Variants in ANGPT1 observed in about 807,000 individuals in gnomAD.
ANGPT1 encodes angiopoietin 1.
In ANGPT1, 17 loss-of-function variants were observed where a neutral mutation model predicts 62.2. The ratio of observed to expected loss-of-function variants is 0.27; its 90% CI spans 0.19 to 0.41. The LOEUF (loss-of-function observed/expected upper bound fraction) is 0.41. Among genes scored for constraint, ANGPT1 ranks in the 10% least tolerant of loss-of-function variants. ANGPT1 has a pLI of 1.00. For synonymous variants in ANGPT1, 199 were observed against 198.9 expected, an observed-to-expected ratio of 1.00 and a Z score of 0.00; for missense variants, 478 against 594.9, an observed-to-expected ratio of 0.80 and a Z score of 2.04.
At chr8:107,452,061 A>G (rs1470284820) in intron 1 of ANGPT1, among the ~76,000 whole-genome samples, 2 of 151,698 alleles carry the variant, frequency 1.3e-5, no homozygotes, top group Non-Finnish European at 3.0e-5. Context: ...TGTGTGTCTT[A>G]GCCACAAGTT....
intron 1 of ANGPT1, chr8:107,494,985 T>C (rs755164958): frequency 3.3e-5 from 5 of 152,144 alleles, no homozygotes; most frequent in Non-Finnish European, 7.4e-5. Flanking sequence ...GGAATCAAAA[T>C]AGAAGTAATA....
intron 1 of ANGPT1, among the ~76,000 whole-genome samples, chr8:107,382,906 T>C (rs545879994): frequency 1.4e-4 from 22 of 152,334 alleles, no homozygotes; most frequent in African/African-American, 4.1e-4. Context: ...TGAACAACGA[T>C]AAATGAAAAA....
chr8:107,262,379 T>A (rs558256355), intron 8 of ANGPT1, among the ~76,000 whole-genome samples: 479 of 152,356 alleles, frequency 3.1e-3, no homozygotes, highest in Non-Finnish European at 6.0e-3. Flanking sequence ...ACTTCACTAA[T>A]TCAGGTACTA....
intron 3 of ANGPT1, among the ~76,000 whole-genome samples, chr8:107,324,369 A>G (rs919566602): frequency 2.6e-5 from 4 of 151,938 alleles, no homozygotes; most frequent in African/African-American, 9.7e-5. Context: ...TGTCCTTATA[A>G]AAAGGGAAAA....
At chr8:107,448,733 T>C (rs185487589) in intron 1 of ANGPT1, among the ~76,000 whole-genome samples, 10 of 152,280 alleles carry the variant, frequency 6.6e-5, no homozygotes, top group East Asian at 3.9e-4. Flanking sequence ...ACCACTCTCA[T>C]TGAAATAATG....
intron 1 of ANGPT1, among the ~76,000 whole-genome samples, chr8:107,464,767 A>T (rs2130484244): frequency 6.6e-6 from 1 of 152,232 alleles, no homozygotes; most frequent in Middle Eastern, 3.4e-3. Context: ...CATACATGGA[A>T]CTTGGAGTAC....
At chr8:107,407,262 G>T (rs1279956927) in intron 1 of ANGPT1, among the ~76,000 whole-genome samples, 1 of 75,362 alleles carries the variant, frequency 1.3e-5, no homozygotes, top group African/African-American at 5.7e-5. Flanking sequence ...ACTCAATGTA[G>T]ACCATGTTTT....
At chr8:107,337,329 T>G (rs961354633) in intron 2 of ANGPT1, among the ~76,000 whole-genome samples, 4 of 152,172 alleles carry the variant, frequency 2.6e-5, no homozygotes, top group Non-Finnish European at 5.9e-5. Context: ...TCAACACCAC[T>G]ATTACTACTC....
Position 107,439,483 on chromosome 8 carries a change from T to C in ANGPT1, c.297+57779A>G, listed in dbSNP as rs566027033. ...AGGGACAAGAGCCATCTTTGATCTA[T>C]ATTTATGGCTGTCAGAGAGCTTGGT... On this transcript the variant is annotated intron_variant, in intron 1 of 8. Transcript: ENST00000517746. Among the ~76,000 whole-genome samples the C allele has an allele frequency of 5.9e-5, 9 of 152,348 alleles. No homozygotes were observed. In the South Asian group the frequency reaches 1.9e-3, roughly 32 times the overall value.
At position 107,481,532 on chromosome 8, in the gene ANGPT1, CAAAAAAAAAAAAA is replaced by C. The variant is rs71562147; in HGVS notation, c.297+15717_297+15729del. Among the ~76,000 whole-genome samples, 319 of 64,332 alleles carry C rather than the reference CAAAAAAAAAAAAA, an allele frequency of 5.0e-3. 3 individuals carry two copies. The highest frequency in any genetic ancestry group is 7.3e-3 in the Non-Finnish European group (256 of 35,146). The allele number at this position is 64,332 out of a possible 152,430, so 42.2% of individuals were successfully genotyped here. ...CTGGCAACAAAGCAAGACTCTGTCTCAAAAAAAAAAAAAAAAAAAAAAAAGGAAGAAGAAAAGA... is the reference window on the plus strand; with the variant it reads ...CTGGCAACAAAGCAAGACTCTGTCTCAAAAAAAAAAAGGAAGAAGAAAAGA... On this transcript the variant is annotated intron_variant, in intron 1 of 8. Transcript: ENST00000517746.
At chr8:107,489,358 G>A (rs951739147) in intron 1 of ANGPT1, among the ~76,000 whole-genome samples, 1 of 152,030 alleles carries the variant, frequency 6.6e-6, no homozygotes, top group Non-Finnish European at 1.5e-5. Flanking sequence ...CACATTCCTA[G>A]ATAGACCTCT....
chr8:107,435,152 G>T (rs191917540), intron 1 of ANGPT1, among the ~76,000 whole-genome samples: 99 of 152,304 alleles, frequency 6.5e-4, no homozygotes, highest in African/African-American at 2.3e-3. Context: ...TAGAGTGACA[G>T]AAATGTTCAG....
chr8:107,450,248 C>G (rs985799686), intron 1 of ANGPT1, among the ~76,000 whole-genome samples: 55 of 152,126 alleles, frequency 3.6e-4, no homozygotes, highest in African/African-American at 1.3e-3. Flanking sequence ...ATTGGTATTA[C>G]TTCTTGTTAA....
At chr8:107,414,765 A>G (rs889822596) in intron 1 of ANGPT1, among the ~76,000 whole-genome samples, 2 of 152,192 alleles carry the variant, frequency 1.3e-5, no homozygotes, top group Admixed American at 6.5e-5. Context: ...TAATACCTCT[A>G]CAAAATGAAT....
chr8:107,361,448 T>C (rs1460251156), intron 1 of ANGPT1, among the ~76,000 whole-genome samples: 3 of 148,466 alleles, frequency 2.0e-5, no homozygotes, highest in African/African-American at 7.3e-5. Context: ...AGAATATATA[T>C]AGATCTATCT....
At chr8:107,377,464 T>A (rs1404678098) in intron 1 of ANGPT1, among the ~76,000 whole-genome samples, 1 of 152,198 alleles carries the variant, frequency 6.6e-6, no homozygotes, top group East Asian at 1.9e-4. Flanking sequence ...ATACTGACAT[T>A]TAATCCATCA....
chr8:107,406,518 C>T (rs914256853), intron 1 of ANGPT1, among the ~76,000 whole-genome samples: 21 of 151,872 alleles, frequency 1.4e-4, no homozygotes, highest in Admixed American at 1.3e-3. Flanking sequence ...ATATAAAATT[C>T]CCTTTTGAGG....
At chr8:107,400,819 CA>C (rs1817032824) in intron 1 of ANGPT1, among the ~76,000 whole-genome samples, 1 of 152,208 alleles carries the variant, frequency 6.6e-6, no homozygotes, top group African/African-American at 2.4e-5. Context: ...CTCGGCCTCC[CA>C]AAGTGCTGGG....
intron 1 of ANGPT1, among the ~76,000 whole-genome samples, chr8:107,371,109 C>T (rs568878494): frequency 3.3e-5 from 5 of 152,198 alleles, no homozygotes; most frequent in South Asian, 2.1e-4. Context: ...TTGAACCTGG[C>T]GAGATGCCAT....
Sources: allele counts gnomAD v4.1 joint callset (sites outside exome capture counted in the v4.1 genomes callset), GRCh38; gene constraint gnomAD v4.1.1; transcripts MANE v1.5; gene names NCBI Gene and HGNC (gene_info 2026-07-23, HGNC 2026-07-21).